The following GAL3ST1 variants were observed in gnomAD, a reference collection of about 807,000 sequenced individuals.
GAL3ST1 encodes galactose-3-O-sulfotransferase 1.
Under a neutral mutation model 25.0 loss-of-function variants are expected in GAL3ST1, and 13 were observed. The observed-to-expected ratio is 0.52, with a 90% CI of 0.34 to 0.83. GAL3ST1 has a LOEUF of 0.83. Among genes scored for constraint, GAL3ST1 ranks in the 40% least tolerant of loss-of-function variants. The probability of loss-of-function intolerance (pLI) is 0.02; values close to 1 mark genes in which losing one functional copy is unlikely to be tolerated. For synonymous variants in GAL3ST1, 274 were observed against 277.8 expected, an observed-to-expected ratio of 0.99 and a Z score of 0.14; for missense variants, 474 against 613.6, an observed-to-expected ratio of 0.77 and a Z score of 2.40.
At chr22:30,556,164 AG>A in intron 3 of GAL3ST1, 71 bp from the exon 4 acceptor site, 1 of 1,252,732 alleles carries the variant, frequency 8.0e-7, no homozygotes, top group Admixed American at 2.0e-5. Context: ...GTAGTTAGAG[AG>A]GGAGATTATT....
At chr22:30,566,623 T>C (rs965544982) in intron 1 of GAL3ST1, among the ~76,000 whole-genome samples, 5 of 152,126 alleles carry the variant, frequency 3.3e-5, no homozygotes, top group Non-Finnish European at 5.9e-5. Flanking sequence ...CTTTTTTTTT[T>C]TCTTGAGACA....
In GAL3ST1 at chr22:30,555,928, G is replaced by T. The variant is rs776669348; in HGVS notation, c.297C>A (p.Gly99=). ...AGGCGAACTTGAGCCGGTGCTTCTG[G>T]CCGAAGCGGAACAGGATGTTGAGCA... ...STLLNILFRF[G]QKHRLKFAFP... Residue 99 remains glycine (G), a synonymous_variant, in exon 4 of 4, where the codon GGC becomes GGA. Coordinates refer to ENST00000406361, the MANE Select transcript of GAL3ST1 (RefSeq NM_001318104.2). This position sits in a 1 kb window ranked among gnomAD's most constrained non-coding sequence, Gnocchi z 8.6. 1.4e-5 allele frequency: 23 copies of T among 1,614,182 alleles called. No individual in the cohort carries two copies. The highest frequency in any genetic ancestry group is 3.3e-4 in the Middle Eastern group (2 of 6,062).
chr22:30,570,396 T>C (rs969495856), intron 1 of GAL3ST1, among the ~76,000 whole-genome samples: 3 of 152,208 alleles, frequency 2.0e-5, no homozygotes, highest in African/African-American at 7.2e-5. Flanking sequence ...ACAATCAATC[T>C]GAGATGGGCA....
intron 1 of GAL3ST1, among the ~76,000 whole-genome samples, chr22:30,568,893 T>C (rs1601978883): frequency 1.3e-5 from 2 of 151,984 alleles, no homozygotes; most frequent in East Asian, 3.9e-4. Context: ...CTGGCCAACA[T>C]GGTGAAACCC....
intron 1 of GAL3ST1, among the ~76,000 whole-genome samples, chr22:30,572,173 A>G (rs1257916207): frequency 1.3e-5 from 2 of 152,230 alleles, no homozygotes; most frequent in Non-Finnish European, 2.9e-5. Flanking sequence ...AGAACCCCAG[A>G]GCTGAGTATG....
Position 30,554,893 on chromosome 22 carries a change from G to A in GAL3ST1, c.*60C>T, listed in dbSNP as rs995181507. ...GCTGGGGGCGGCCAGCACCAGCGGC[G>A]TCCTGCTCAGCCCCTCTGCAGGGAG... On this transcript the variant is annotated 3_prime_UTR_variant, in exon 4 of 4. Transcript: ENST00000406361. 20 of 1,333,654 alleles carry A rather than the reference G, an allele frequency of 1.5e-5. No homozygotes were observed. Among genetic ancestry groups the A allele is most frequent in the Admixed American group, 1.4e-4 (6 of 42,794 alleles). The allele number at this position is 1,333,654 out of a possible 1,614,324, so 82.6% of individuals were successfully genotyped here.
chr22:30,565,177 A>G (rs1413649356), intron 1 of GAL3ST1: 1 of 152,364 alleles, frequency 6.6e-6, no homozygotes, highest in Non-Finnish European at 1.5e-5. Flanking sequence ...AGACGCCTGC[A>G]GAGAGCCCAG....
chr22:30,560,450 TAG>T (rs1180074768), intron 1 of GAL3ST1: 1 of 152,152 alleles, frequency 6.6e-6, no homozygotes, highest in African/African-American at 2.4e-5. Flanking sequence ...AGTCATCACT[TAG>T]AGTGTTATCT....
chr22:30,555,832 G>A lies in GAL3ST1; in HGVS notation c.393C>T (p.Pro131=), dbSNP rs776920349. The part of the protein sequence containing the change: ...FARSLVQDYR[P]GACFNIICNH... ...TGCAGATGATGTTGAAGCAGGCCCCGGGCCGATAGTCCTGCACCAGGCTGC... is the reference window on the plus strand; with the variant it reads ...TGCAGATGATGTTGAAGCAGGCCCCAGGCCGATAGTCCTGCACCAGGCTGC... Residue 131 remains proline, a synonymous_variant, in exon 4 of 4, where the codon CCC becomes CCT. Coordinates refer to ENST00000406361, the MANE Select transcript of GAL3ST1 (RefSeq NM_001318104.2). The surrounding 1 kb of genome is among the most constrained non-coding windows in gnomAD (Gnocchi z 8.6). 4.3e-6 allele frequency: 7 copies of A among 1,614,064 alleles called. No individual in the cohort carries two copies. In the East Asian group the frequency reaches 1.1e-4, roughly 26 times the overall value.
In GAL3ST1 at chr22:30,554,892, C is replaced by A; in HGVS notation, c.*61G>T. ...GGCTGGGGGCGGCCAGCACCAGCGG[C>A]GTCCTGCTCAGCCCCTCTGCAGGGA... On this transcript the variant is annotated 3_prime_UTR_variant, in exon 4 of 4. Transcript: ENST00000406361. The A allele has an allele frequency of 1.5e-6, 2 of 1,325,088 alleles. No individual in the cohort carries two copies. Among genetic ancestry groups the A allele is most frequent in the Non-Finnish European group, 2.0e-6 (2 of 979,958 alleles). The allele number at this position is 1,325,088 out of a possible 1,614,324, so 82.1% of individuals were successfully genotyped here.
chr22:30,570,793 A>T (rs2086758638), intron 1 of GAL3ST1, among the ~76,000 whole-genome samples: 1 of 152,190 alleles, frequency 6.6e-6, no homozygotes, highest in African/African-American at 2.4e-5. Flanking sequence ...TCTCAAAAAA[A>T]AAAAAAGAGT....
At chr22:30,563,097 CAG>C (rs1208485383) in intron 1 of GAL3ST1, 1 of 152,014 alleles carries the variant, frequency 6.6e-6, no homozygotes, top group Non-Finnish European at 1.5e-5. Flanking sequence ...GCCTGGGTGA[CAG>C]AGAGAGACTC....
intron 1 of GAL3ST1, among the ~76,000 whole-genome samples, chr22:30,569,917 T>C (rs2086731170): frequency 6.6e-6 from 1 of 151,836 alleles, no homozygotes; most frequent in Non-Finnish European, 1.5e-5. Flanking sequence ...ACCCCATCTG[T>C]ATAAAAAATT....
intron 1 of GAL3ST1, among the ~76,000 whole-genome samples, chr22:30,561,268 G>T (rs1040205088): frequency 6.6e-6 from 1 of 152,202 alleles, no homozygotes; most frequent in African/African-American, 2.4e-5. Flanking sequence ...CTCAAAGCTT[G>T]CCAGGCCCCT....
intron 3 of GAL3ST1, 123 bp from the exon 4 acceptor site, chr22:30,556,216 TG>T: frequency 1.3e-6 from 1 of 798,730 alleles, no homozygotes; most frequent in Admixed American, 2.8e-5. Flanking sequence ...GTGAGACCTG[TG>T]GGGCCTGAGT....
chr22:30,556,333 C>G (rs537466725), intron 3 of GAL3ST1, among the ~76,000 whole-genome samples: 1 of 152,156 alleles, frequency 6.6e-6, no homozygotes, highest in Non-Finnish European at 1.5e-5. Context: ...TGAGATGAGG[C>G]ACACAGGCTC....
In GAL3ST1 at chr22:30,556,725, TTTTG is replaced by T. The variant is rs200834710; in HGVS notation, c.131+533_131+536del. 6.2e-3 allele frequency among the ~76,000 whole-genome samples: 949 copies of T among 152,206 alleles called. 24 individuals carry two copies. The East Asian group carries it at 0.084, about 13-fold the overall frequency. Reference sequence around the variant, plus strand: ...CTCTATGAGGAAGGCTCTGGGTTTTTTTTGTTTGTTTGTTTTTCTTTTTGTTTTG... The same window carrying T: ...CTCTATGAGGAAGGCTCTGGGTTTTTTTTGTTTGTTTTTCTTTTTGTTTTG... On this transcript the variant is annotated intron_variant, in intron 3 of 3. Transcript: ENST00000406361.
chr22:30,556,613 G>T lies in GAL3ST1; in HGVS notation c.132-520C>A, dbSNP rs189802291. ...CCGACCCGTTTGAATCCATGCCCAT[G>T]GACAGGTCGCCCCCACCAGGGCCCC... On this transcript the variant is annotated intron_variant, in intron 3 of 3. Coordinates refer to ENST00000406361, the MANE Select transcript of GAL3ST1 (RefSeq NM_001318104.2). Among the ~76,000 whole-genome samples, 7 of 152,324 alleles carry T rather than the reference G, an allele frequency of 4.6e-5. No homozygotes were observed. The East Asian group carries it at 1.4e-3, about 29-fold the overall frequency.
chr22:30,555,040 C>A lies in GAL3ST1; in HGVS notation c.1185G>T (p.Thr395=), dbSNP rs1278823851. ...GGTCCATCAGGTACTGGATCTCGGG[C>A]GTGAGCATGCGCCGGCAGAGCTGCG... ...RHAQLCRRML[T]PEIQYLMDLG... Residue 395 remains threonine (T), a synonymous_variant, in exon 4 of 4, where the codon ACG becomes ACT. Transcript: ENST00000406361. This position sits in a 1 kb window ranked among gnomAD's most constrained non-coding sequence, Gnocchi z 8.6. The A allele has an allele frequency of 6.2e-7, 1 of 1,611,568 alleles. No homozygotes were observed. The highest frequency in any genetic ancestry group is 8.5e-7 in the Non-Finnish European group (1 of 1,178,684).
Sources: allele counts gnomAD v4.1 joint callset (sites outside exome capture counted in the v4.1 genomes callset), GRCh38; gene constraint gnomAD v4.1.1; non-coding constraint Gnocchi (gnomAD v3.1); transcripts MANE v1.5; gene names NCBI Gene and HGNC (gene_info 2026-07-23, HGNC 2026-07-21).